The following ANO4 variants were observed in gnomAD, a reference collection of about 807,000 sequenced individuals.
ANO4 encodes the protein anoctamin-4.
Under a neutral mutation model 141.9 loss-of-function variants are expected in ANO4, and 69 were observed. The ratio of observed to expected loss-of-function variants is 0.49; its 90% CI spans 0.40 to 0.59. The LOEUF (loss-of-function observed/expected upper bound fraction) is 0.59, where lower values mean the gene tolerates loss of function less well. Ranked by LOEUF, ANO4 falls within the 20% of genes least tolerant of loss-of-function variation. The pLI is 0.00. For missense variants in ANO4, 894 were observed against 1,162.2 expected (o/e 0.77, Z 3.36); for synonymous variants, 350 against 394.3 (o/e 0.89, Z 1.33).
chr12:100,891,477 A>G (rs1223813060), intron 1 of ANO4, among the ~76,000 whole-genome samples: 2 of 152,180 alleles, frequency 1.3e-5, no homozygotes, highest in African/African-American at 4.8e-5. Context: ...TATTCTTGCC[A>G]TCATTTGATG....
chr12:100,767,809 T>C (rs575278783), intron 3 of ANO4, among the ~76,000 whole-genome samples: 1 of 152,368 alleles, frequency 6.6e-6, no homozygotes, highest in East Asian at 1.9e-4. Context: ...TAAAAGTGTA[T>C]TTTAAGCTGA....
At chr12:100,946,174 A>G (rs570386777) in intron 5 of ANO4, among the ~76,000 whole-genome samples, 2 of 152,336 alleles carry the variant, frequency 1.3e-5, no homozygotes, top group South Asian at 4.1e-4. Context: ...TCACTGAGCA[A>G]GGTGAAGAAT....
chr12:100,837,997 A>T (rs1398220172), intron 1 of ANO4, among the ~76,000 whole-genome samples: 1 of 152,116 alleles, frequency 6.6e-6, no homozygotes, highest in Non-Finnish European at 1.5e-5. Context: ...GTGAGCCTTG[A>T]CTATTCAATA....
At chr12:100,775,646 T>A (rs2135563720) in intron 3 of ANO4, among the ~76,000 whole-genome samples, 1 of 152,314 alleles carries the variant, frequency 6.6e-6, no homozygotes, top group African/African-American at 2.4e-5. Flanking sequence ...TTAAATGAAA[T>A]AATACCTATA....
At chr12:100,883,252 A>G (rs2039659396) in intron 1 of ANO4, among the ~76,000 whole-genome samples, 1 of 152,158 alleles carries the variant, frequency 6.6e-6, no homozygotes, top group African/African-American at 2.4e-5. Context: ...TTTTCCAAAT[A>G]CCTTAGCACC....
chr12:100,791,234 C>G (rs1446463487), upstream of ANO4, among the ~76,000 whole-genome samples: 3 of 151,950 alleles, frequency 2.0e-5, no homozygotes, highest in Non-Finnish European at 4.4e-5. Flanking sequence ...AGAAAATTAG[C>G]CGGGTGTGGT....
chr12:101,002,521 T>G (rs1279588753), intron 8 of ANO4, among the ~76,000 whole-genome samples: 1 of 152,222 alleles, frequency 6.6e-6, no homozygotes. Context: ...CTGGTGCTCC[T>G]GCAGCATGGG....
At chr12:100,732,742 T>A (rs2031432555) in intron 1 of ANO4, among the ~76,000 whole-genome samples, 1 of 152,246 alleles carries the variant, frequency 6.6e-6, no homozygotes, top group African/African-American at 2.4e-5. Context: ...AGCTCTCTTC[T>A]GCCACATGCT....
At chr12:100,811,612 C>T (rs1018242889) in intron 1 of ANO4, among the ~76,000 whole-genome samples, 2 of 152,260 alleles carry the variant, frequency 1.3e-5, no homozygotes, top group South Asian at 4.1e-4. Context: ...GATACATTTC[C>T]ACAGTGTGAG....
chr12:101,064,665 TAA>T (rs2048500180), intron 14 of ANO4, among the ~76,000 whole-genome samples: 5 of 48,214 alleles, frequency 1.0e-4, no homozygotes, highest in Admixed American at 5.0e-4. Context: ...TAAAGTATTA[TAA>T]TAATAATAAT....
intron 14 of ANO4, among the ~76,000 whole-genome samples, chr12:101,072,755 A>G (rs1387868831): frequency 6.6e-6 from 1 of 151,686 alleles, no homozygotes; most frequent in African/African-American, 2.4e-5. Flanking sequence ...GGAAAAAAAA[A>G]CATCAAAAAG....
chr12:101,057,723 T>C (rs1246136826), intron 14 of ANO4, among the ~76,000 whole-genome samples: 1 of 152,226 alleles, frequency 6.6e-6, no homozygotes, highest in Non-Finnish European at 1.5e-5. Context: ...TGTATTTTCC[T>C]GTAAAGTTGT....
At chr12:100,739,976 G>A (rs1424263278) in exon 3 of ANO4, 4 of 702,450 alleles carry the variant, frequency 5.7e-6, no homozygotes, top group East Asian at 2.7e-5. Flanking sequence ...AGGCATCCCT[G>A]TGTACCACCG....
chr12:100,927,321 C>T (rs117699777), intron 3 of ANO4, among the ~76,000 whole-genome samples: 5 of 152,098 alleles, frequency 3.3e-5, no homozygotes, highest in African/African-American at 1.2e-4. Flanking sequence ...ATGATAACAA[C>T]ATTACAGTGC....
At chr12:101,050,469 A>G (rs2047814150) in intron 14 of ANO4, among the ~76,000 whole-genome samples, 1 of 152,222 alleles carries the variant, frequency 6.6e-6, no homozygotes, top group Non-Finnish European at 1.5e-5. Flanking sequence ...GAGCTCTCAG[A>G]TAAAGAATGC....
chr12:100,853,513 CT>C (rs2037996032), intron 1 of ANO4, among the ~76,000 whole-genome samples: 1 of 151,986 alleles, frequency 6.6e-6, no homozygotes, highest in Non-Finnish European at 1.5e-5. Flanking sequence ...TCTTTTTGAG[CT>C]TTTGCTTCTG....
chr12:101,007,202 A>G (rs532633696), intron 8 of ANO4, among the ~76,000 whole-genome samples: 1 of 152,228 alleles, frequency 6.6e-6, no homozygotes, highest in Admixed American at 6.5e-5. Context: ...AAAATACAAA[A>G]ATTAGCTGGG....
At chr12:100,904,503 C>G (rs897370051) in intron 2 of ANO4, among the ~76,000 whole-genome samples, 3 of 152,144 alleles carry the variant, frequency 2.0e-5, no homozygotes, top group Non-Finnish European at 4.4e-5. Context: ...GTTTCTGAGA[C>G]AGCCACGTGG....
At chr12:100,763,675 G>A (rs1261274323) in intron 3 of ANO4, among the ~76,000 whole-genome samples, 2 of 152,184 alleles carry the variant, frequency 1.3e-5, no homozygotes, top group East Asian at 1.9e-4. Flanking sequence ...TCCCTTTTCA[G>A]TTCACATAGG....
Sources: allele counts gnomAD v4.1 joint callset (sites outside exome capture counted in the v4.1 genomes callset), GRCh38; gene constraint gnomAD v4.1.1; transcripts MANE v1.5; gene names NCBI Gene and HGNC (gene_info 2026-07-23, HGNC 2026-07-21).